SEPTIN9: variants seen among roughly 807,000 people sequenced by gnomAD.
SEPTIN9 encodes septin-9.
Under a neutral mutation model 56.6 loss-of-function variants are expected in SEPTIN9, and 13 were observed. That is an observed-to-expected ratio of 0.23 (90% CI 0.15 to 0.37). SEPTIN9 has a LOEUF of 0.37. Ranked by LOEUF, SEPTIN9 falls within the 10% of genes least tolerant of loss-of-function variation. SEPTIN9 has a pLI of 1.00. For synonymous variants in SEPTIN9, 332 were observed against 334.1 expected (o/e 0.99, Z 0.07); for missense variants, 650 against 823.1 (o/e 0.79, Z 2.57).
intron 2 of SEPTIN9, among the ~76,000 whole-genome samples, chr17:77,321,420 G>A (rs1208233117): frequency 6.7e-6 from 1 of 149,814 alleles, no homozygotes; most frequent in African/African-American, 2.5e-5. Flanking sequence ...TTTTCTTTGA[G>A]ACGGAGTCTG....
chr17:77,392,042 C>T (rs2035559328), intron 2 of SEPTIN9, among the ~76,000 whole-genome samples: 1 of 152,196 alleles, frequency 6.6e-6, no homozygotes, highest in South Asian at 2.1e-4. Flanking sequence ...GGAGGGTCCC[C>T]TTGCAGCCAG....
intron 2 of SEPTIN9, among the ~76,000 whole-genome samples, chr17:77,364,505 C>A (rs2034514733): frequency 6.6e-6 from 1 of 152,248 alleles, no homozygotes; most frequent in African/African-American, 2.4e-5. Context: ...TTGGAGTGTG[C>A]TGGGCAGAGC....
chr17:77,455,765 GA>G (rs1488068889), intron 3 of SEPTIN9, among the ~76,000 whole-genome samples: 1 of 152,236 alleles, frequency 6.6e-6, no homozygotes, highest in Non-Finnish European at 1.5e-5. Context: ...CTTGCTCAAC[GA>G]GTGTTTGAAT....
At chr17:77,396,782 T>C (rs2035731278) in intron 2 of SEPTIN9, among the ~76,000 whole-genome samples, 1 of 152,122 alleles carries the variant, frequency 6.6e-6, no homozygotes, top group Non-Finnish European at 1.5e-5. Flanking sequence ...GCAGGGATGA[T>C]CTTGTTTCAT....
At chr17:77,446,248 G>C (rs2037735197) in intron 3 of SEPTIN9, 1 of 167,152 alleles carries the variant, frequency 6.0e-6, no homozygotes, top group African/African-American at 2.4e-5. Flanking sequence ...GCCTCTTCCA[G>C]CTTTGGGTGG....
In SEPTIN9 at chr17:77,400,604, AC is replaced by A. The variant is rs2035866492; in HGVS notation, c.77-1454del. On this transcript the variant is annotated intron_variant, in intron 2 of 11. Transcript: ENST00000427177. The surrounding 1 kb of genome is among the most constrained non-coding windows in gnomAD (Gnocchi z 4.1). ...GAAGAGAGACGGGTGAGGGGAAGGCACTGAAATTGGTCCTGGAGCGCTATTA... is the reference window on the plus strand; with the variant it reads ...GAAGAGAGACGGGTGAGGGGAAGGCATGAAATTGGTCCTGGAGCGCTATTA... 1 of 152,272 alleles carries A rather than the reference AC, an allele frequency of 6.6e-6. No individual in the cohort carries two copies. Among genetic ancestry groups the A allele is most frequent in the Admixed American group, 6.5e-5 (1 of 15,286 alleles). 9.4% of individuals were successfully genotyped at this position (152,272 alleles called of 1,614,324 possible). A position where few individuals can be genotyped will look rare whatever the true frequency, so the allele number is the denominator to read the frequency against.
Position 77,431,240 on chromosome 17 carries a change from T to G in SEPTIN9, c.721+28537T>G, listed in dbSNP as rs114373536. 7.0e-3 allele frequency among the ~76,000 whole-genome samples: 1,062 copies of G among 152,130 alleles called. 11 individuals carry two copies. Among genetic ancestry groups the G allele is most frequent in the African/African-American group, 0.024 (1,014 of 41,508 alleles). On this transcript the variant is annotated intron_variant, in intron 3 of 11. Transcript: ENST00000427177. ...AGGAGGATTGCTTGAGTTAGGAGTT[T>G]GAGGCTGCAGTGAGCTATGACCACA...
rs1226551811 is a variant in SEPTIN9, at chr17:77,450,552, C to T, written c.722-31592C>T. The T allele has an allele frequency of 1.0e-6, 1 of 985,386 alleles. No homozygotes were observed. The highest frequency in any genetic ancestry group is 1.7e-5 in the African/African-American group (1 of 57,218). 61.0% of individuals were successfully genotyped at this position (985,386 alleles called of 1,614,324 possible). A position where few individuals can be genotyped will look rare whatever the true frequency, so the allele number is the denominator to read the frequency against. On this transcript the variant is annotated intron_variant, in intron 3 of 11. Coordinates refer to ENST00000427177, the MANE Select transcript of SEPTIN9 (RefSeq NM_001113491.2). This position sits in a 1 kb window ranked among gnomAD's most constrained non-coding sequence, Gnocchi z 6.0. ...ACTCACTTGGGTTCAGAGGTCGTGGCACTGAGATGGGTCTGGCAGATCCCA... is the reference window on the plus strand; with the variant it reads ...ACTCACTTGGGTTCAGAGGTCGTGGTACTGAGATGGGTCTGGCAGATCCCA...
chr17:77,458,989 G>A (rs1471426796), intron 3 of SEPTIN9, among the ~76,000 whole-genome samples: 2 of 152,210 alleles, frequency 1.3e-5, no homozygotes, highest in Admixed American at 6.5e-5. Flanking sequence ...AAAGGTGGGC[G>A]TGGGGACAGA....
At position 77,297,317 on chromosome 17, in the gene SEPTIN9, C is replaced by T. The variant is rs2031863129; in HGVS notation, c.20-9824C>T. ...AAGGGCAGGAGAGGAAGGCATCCCACCTCCAGGAGAAAGAGGGAATTCACC... is the reference window on the plus strand; with the variant it reads ...AAGGGCAGGAGAGGAAGGCATCCCATCTCCAGGAGAAAGAGGGAATTCACC... On this transcript the variant is annotated intron_variant, in intron 1 of 11. Transcript: ENST00000427177. Among the ~76,000 whole-genome samples, 4 of 152,180 alleles carry T rather than the reference C, an allele frequency of 2.6e-5. No individual in the cohort carries two copies. In the South Asian group the frequency reaches 8.3e-4, roughly 31 times the overall value.
At chr17:77,428,794 G>A (rs531374020) in intron 3 of SEPTIN9, among the ~76,000 whole-genome samples, 13 of 152,328 alleles carry the variant, frequency 8.5e-5, no homozygotes, top group Non-Finnish European at 1.6e-4. Context: ...TTGTGCCTCA[G>A]TACTCATGTG....
rs926827141 is a variant in SEPTIN9, at chr17:77,389,792, C to T, written c.77-12267C>T. Among the ~76,000 whole-genome samples the T allele has an allele frequency of 3.3e-5, 5 of 152,170 alleles. No individual in the cohort carries two copies. Among genetic ancestry groups the T allele is most frequent in the Admixed American group, 6.5e-5 (1 of 15,268 alleles). ...CTCACATCTCTTCCCCTGCGGCTTC[C>T]GCCCATTTCCCCTCAATCTGCTCCT... is the stretch of plus-strand genomic sequence containing the variant. On this transcript the variant is annotated intron_variant, in intron 2 of 11. Coordinates refer to ENST00000427177, the MANE Select transcript of SEPTIN9 (RefSeq NM_001113491.2). The surrounding 1 kb of genome is among the most constrained non-coding windows in gnomAD (Gnocchi z 4.3).
At chr17:77,337,820 G>A (rs1302140874) in intron 2 of SEPTIN9, among the ~76,000 whole-genome samples, 1 of 152,064 alleles carries the variant, frequency 6.6e-6, no homozygotes, top group African/African-American at 2.4e-5. Flanking sequence ...GCATACCTAG[G>A]GTTTGCTTCC....
intron 1 of SEPTIN9, among the ~76,000 whole-genome samples, chr17:77,304,621 C>T (rs187303370): frequency 2.1e-3 from 318 of 152,246 alleles, no homozygotes; most frequent in African/African-American, 7.3e-3. Context: ...ATGTCTCAGC[C>T]AGAAGTGACT....
In SEPTIN9 at chr17:77,488,864, C is replaced by G; in HGVS notation, c.1262C>G (p.Ser421Cys). 6.2e-7 allele frequency: 1 copy of G among 1,613,498 alleles called. No individual in the cohort carries two copies. The highest frequency in any genetic ancestry group is 1.1e-5 in the South Asian group (1 of 91,090). ...CLYFIPATGH[S>C]LRPLDIEFMK... is the part of the protein sequence containing the mutation. Reference sequence around the variant, plus strand: ...TACTTCATCCCCGCCACCGGCCACTCGTACGTCCCTGCAGTGTCGGCGTCC... The same window carrying G: ...TACTTCATCCCCGCCACCGGCCACTGGTACGTCCCTGCAGTGTCGGCGTCC... Residue 421 changes from serine (S) to cysteine (C), a missense_variant and splice_region_variant, in exon 7 of 12, where the codon TCC becomes TGC. Coordinates refer to ENST00000427177, the MANE Select transcript of SEPTIN9 (RefSeq NM_001113491.2).
At chr17:77,398,596 G>A (rs1036193095) in intron 2 of SEPTIN9, among the ~76,000 whole-genome samples, 1 of 152,208 alleles carries the variant, frequency 6.6e-6, no homozygotes, top group Non-Finnish European at 1.5e-5. Context: ...ATTCCAGCCG[G>A]GACATGGTTT....
At position 77,492,951 on chromosome 17, in the gene SEPTIN9, G is replaced by A. The variant is rs2040096723; in HGVS notation, c.1477-29G>A. 1.3e-6 allele frequency: 2 copies of A among 1,549,226 alleles called. No individual in the cohort carries two copies. The highest frequency in any genetic ancestry group is 1.4e-5 in the African/African-American group (1 of 73,050). On this transcript the variant is annotated intron_variant, in intron 9 of 11. Coordinates refer to ENST00000427177, the MANE Select transcript of SEPTIN9 (RefSeq NM_001113491.2). The surrounding 1 kb of genome is among the most constrained non-coding windows in gnomAD (Gnocchi z 5.4). ...GAGGGAATTGCCTTCCCGCACATGT[G>A]TAACCAATACCGTCTGCCCGTTCCC...
chr17:77,369,841 G>A lies in SEPTIN9; in HGVS notation c.77-32218G>A, dbSNP rs2034667766. Reference sequence around the variant, plus strand: ...GGGGGTCATGGATATGGATGTGTGCGCCAAACGCTGCTTCCTCGTGGATTT... The same window carrying A: ...GGGGGTCATGGATATGGATGTGTGCACCAAACGCTGCTTCCTCGTGGATTT... On this transcript the variant is annotated intron_variant, in intron 2 of 11. Coordinates refer to ENST00000427177, the MANE Select transcript of SEPTIN9 (RefSeq NM_001113491.2). This position sits in a 1 kb window ranked among gnomAD's most constrained non-coding sequence, Gnocchi z 4.9. Among the ~76,000 whole-genome samples, 1 of 152,202 alleles carries A rather than the reference G, an allele frequency of 6.6e-6. No homozygotes were observed. The highest frequency in any genetic ancestry group is 2.4e-5 in the African/African-American group (1 of 41,452).
chr17:77,475,381 TAGG>T lies in SEPTIN9; in HGVS notation c.722-6760_722-6758del. 2 of 1,440,822 alleles carry T rather than the reference TAGG, an allele frequency of 1.4e-6. No individual in the cohort carries two copies. The highest frequency in any genetic ancestry group is 1.8e-6 in the Non-Finnish European group (2 of 1,102,842). 89.3% of individuals were successfully genotyped at this position (1,440,822 alleles called of 1,614,324 possible). On this transcript the variant is annotated intron_variant, in intron 3 of 11. Coordinates refer to ENST00000427177, the MANE Select transcript of SEPTIN9 (RefSeq NM_001113491.2). This position sits in a 1 kb window ranked among gnomAD's most constrained non-coding sequence, Gnocchi z 4.6. The stretch of plus-strand genomic sequence containing the variant: ...AGGACTTTGCAGGCACCCAGGGAGA[TAGG>T]AGAGGAGGAGGGAGCAGCCCTGGCC...
Sources: allele counts gnomAD v4.1 joint callset (sites outside exome capture counted in the v4.1 genomes callset), GRCh38; gene constraint gnomAD v4.1.1; non-coding constraint Gnocchi (gnomAD v3.1); transcripts MANE v1.5; gene names NCBI Gene and HGNC (gene_info 2026-07-23, HGNC 2026-07-21).